CSMD1: variants seen among roughly 807,000 people sequenced by gnomAD.
CSMD1 encodes CUB and sushi domain-containing protein 1.
CSMD1 carries 213 observed loss-of-function variants against 417.5 expected under a neutral mutation model. That is an observed-to-expected ratio of 0.51 (90% CI 0.46 to 0.57). The LOEUF (loss-of-function observed/expected upper bound fraction) is 0.57, where lower values mean the gene tolerates loss of function less well. Among genes scored for constraint, CSMD1 ranks in the 20% least tolerant of loss-of-function variants. CSMD1 has a pLI of 0.00. For synonymous variants in CSMD1, 2,862 were observed against 1,736.8 expected, an observed-to-expected ratio of 1.65 and a Z score of -16.11; for missense variants, 6,923 against 4,529.7, an observed-to-expected ratio of 1.53 and a Z score of -15.17.
At chr8:4,811,496 G>A (rs1468130671) in intron 1 of CSMD1, among the ~76,000 whole-genome samples, 1 of 151,922 alleles carries the variant, frequency 6.6e-6, no homozygotes, top group Non-Finnish European at 1.5e-5. Flanking sequence ...CAAATTTAGG[G>A]GATTGGTGGC....
rs1374494356 is a variant in CSMD1, at chr8:3,762,078, G to C, written c.819-8036C>G. 2.6e-5 allele frequency among the ~76,000 whole-genome samples: 4 copies of C among 152,014 alleles called. No individual in the cohort carries two copies. The East Asian group carries it at 5.8e-4, about 22-fold the overall frequency. On this transcript the variant is annotated intron_variant, in intron 5 of 69. Transcript: ENST00000635120. Reference sequence around the variant, plus strand: ...TTTTTAAATGAAAAAATAATTTCTAGTCTCCTGAGCCCTCCCACTCACTCC... The same window carrying C: ...TTTTTAAATGAAAAAATAATTTCTACTCTCCTGAGCCCTCCCACTCACTCC...
At chr8:4,073,731 G>C (rs981958240) in intron 3 of CSMD1, among the ~76,000 whole-genome samples, 3 of 152,064 alleles carry the variant, frequency 2.0e-5, no homozygotes, top group African/African-American at 7.2e-5. Context: ...ATAGACACCA[G>C]CTGTTTTCCA....
chr8:4,038,121 A>C (rs76392945), intron 3 of CSMD1, among the ~76,000 whole-genome samples: 8,697 of 152,218 alleles, frequency 0.057, 777 homozygotes, highest in African/African-American at 0.19. Flanking sequence ...CTACCATTTA[A>C]GGTTTAAAGT....
intron 2 of CSMD1, among the ~76,000 whole-genome samples, chr8:4,550,829 G>A (rs925389013): frequency 6.6e-6 from 1 of 152,076 alleles, no homozygotes; most frequent in Non-Finnish European, 1.5e-5. Flanking sequence ...GGTCCAAGTC[G>A]ACACAGAAAT....
intron 7 of CSMD1, among the ~76,000 whole-genome samples, chr8:3,640,152 C>G (rs1364666084): frequency 6.6e-6 from 1 of 152,186 alleles, no homozygotes; most frequent in Non-Finnish European, 1.5e-5. Context: ...TAAGACTTCG[C>G]TCTGAGAAAA....
chr8:3,820,847 G>A (rs1017666122), intron 5 of CSMD1, among the ~76,000 whole-genome samples: 2 of 151,848 alleles, frequency 1.3e-5, no homozygotes, highest in East Asian at 2.0e-4. Context: ...ACCTCCCAAA[G>A]TGCTGGGATT....
At chr8:3,781,041 T>G (rs910283585) in intron 5 of CSMD1, among the ~76,000 whole-genome samples, 6 of 152,208 alleles carry the variant, frequency 3.9e-5, no homozygotes, top group Admixed American at 1.3e-4. Flanking sequence ...AACTGAAATC[T>G]AAGCAAAGTA....
rs139776222 is a variant in CSMD1, at chr8:4,722,294, A to G, written c.86-84736T>C. On this transcript the variant is annotated intron_variant, in intron 1 of 69. Transcript: ENST00000635120. The stretch of plus-strand genomic sequence containing the variant: ...TATTCCTTAAATACAGACTGCAAGA[A>G]AGAGAAAAAAATTGTTTTGGTGAAG... Among the ~76,000 whole-genome samples, 529 of 152,172 alleles carry G rather than the reference A, an allele frequency of 3.5e-3. 2 individuals are homozygous for G. Among genetic ancestry groups the G allele is most frequent in the African/African-American group, 0.012 (512 of 41,442 alleles).
chr8:3,198,929 C>G (rs1042929358), intron 33 of CSMD1, among the ~76,000 whole-genome samples: 5 of 152,008 alleles, frequency 3.3e-5, no homozygotes, highest in Admixed American at 1.3e-4. Flanking sequence ...TAAAATATTG[C>G]TTTTTATTTT....
chr8:3,124,140 G>A (rs374691718), intron 41 of CSMD1, among the ~76,000 whole-genome samples: 23 of 152,208 alleles, frequency 1.5e-4, no homozygotes, highest in South Asian at 8.3e-4. Context: ...TCCTGTGTGC[G>A]TGTGGGGAGG....
At chr8:3,069,301 G>A (rs1267568068) in intron 49 of CSMD1, among the ~76,000 whole-genome samples, 1 of 151,964 alleles carries the variant, frequency 6.6e-6, no homozygotes, top group African/African-American at 2.4e-5. Flanking sequence ...TGGGTGTGGT[G>A]GCAGGCATCT....
At chr8:4,717,621 T>C (rs1330541812) in intron 1 of CSMD1, among the ~76,000 whole-genome samples, 3 of 151,216 alleles carry the variant, frequency 2.0e-5, no homozygotes, top group Admixed American at 6.6e-5. Flanking sequence ...GTAGGAACTA[T>C]ATATATTTCT....
chr8:4,813,345 TG>T (rs1422945683), intron 1 of CSMD1, among the ~76,000 whole-genome samples: 1 of 151,742 alleles, frequency 6.6e-6, no homozygotes. Flanking sequence ...GCTAAGATTC[TG>T]GAAAAAAAAA....
At chr8:3,029,157 C>A (rs1810158069) in intron 51 of CSMD1, among the ~76,000 whole-genome samples, 162 bp downstream of exon 51, 2 of 151,832 alleles carry the variant, frequency 1.3e-5, no homozygotes, top group Admixed American at 6.6e-5. Context: ...TGTCACATGA[C>A]AATACATATT....
intron 1 of CSMD1, among the ~76,000 whole-genome samples, 182 bp downstream of exon 1, chr8:4,994,150 C>T (rs1811629992): frequency 2.0e-5 from 3 of 151,992 alleles, no homozygotes; most frequent in African/African-American, 7.2e-5. Context: ...CCCAGGAGGG[C>T]TGGGGAGAGC....
At chr8:3,909,090 G>C (rs3889169) in intron 5 of CSMD1, among the ~76,000 whole-genome samples, 11,946 of 152,234 alleles carry the variant, frequency 0.078, 539 homozygotes, top group South Asian at 0.14. Context: ...TAGTGAACAA[G>C]TCCACTGGGC....
intron 1 of CSMD1, among the ~76,000 whole-genome samples, chr8:4,726,383 G>A (rs375898269): frequency 5.3e-5 from 8 of 151,324 alleles, no homozygotes; most frequent in African/African-American, 1.9e-4. Flanking sequence ...CTCTTCTAAT[G>A]ACTAAAAATA....
intron 1 of CSMD1, among the ~76,000 whole-genome samples, chr8:4,924,450 C>A (rs1248501698): frequency 6.6e-6 from 1 of 152,088 alleles, no homozygotes; most frequent in Non-Finnish European, 1.5e-5. Context: ...CAGCCAGGCA[C>A]GGTGGCTCAC....
intron 40 of CSMD1, 23 bp downstream of exon 40, chr8:3,151,374 G>T: frequency 1.4e-6 from 2 of 1,469,416 alleles, no homozygotes. Context: ...GAACTTTTAG[G>T]AATTGGTAAC....
Sources: allele counts gnomAD v4.1 joint callset (sites outside exome capture counted in the v4.1 genomes callset), GRCh38; gene constraint gnomAD v4.1.1; transcripts MANE v1.5; gene names NCBI Gene and HGNC (gene_info 2026-07-23, HGNC 2026-07-21).